Variants in BBS9 observed in about 807,000 individuals in gnomAD.
BBS9 encodes protein PTHB1.
Under a neutral mutation model 117.7 loss-of-function variants are expected in BBS9, and 89 were observed. The observed-to-expected ratio is 0.76, with a 90% confidence interval of 0.64 to 0.90. BBS9 has a LOEUF of 0.90. Ranked by LOEUF, BBS9 falls within the 40% of genes least tolerant of loss-of-function variation. The probability of loss-of-function intolerance (pLI) is 0.00; values close to 1 mark genes in which losing one functional copy is unlikely to be tolerated. For synonymous variants in BBS9, 379 were observed against 370.9 expected, an observed-to-expected ratio of 1.02 and a Z score of -0.25; for missense variants, 982 against 1,042.2, an observed-to-expected ratio of 0.94 and a Z score of 0.80.
At chr7:33,388,430 C>T (rs1338908250) in intron 19 of BBS9, among the ~76,000 whole-genome samples, 2 of 152,174 alleles carry the variant, frequency 1.3e-5, no homozygotes, top group Non-Finnish European at 1.5e-5. Context: ...GCAACAAGAA[C>T]AATGCCAGGC....
intron 5 of BBS9, among the ~76,000 whole-genome samples, chr7:33,248,930 T>C (rs1795797811): frequency 6.6e-6 from 1 of 152,186 alleles, no homozygotes. Flanking sequence ...CTGAACTGCA[T>C]ATATGCTTGG....
intron 11 of BBS9, among the ~76,000 whole-genome samples, chr7:33,342,706 T>C (rs184136152): frequency 7.2e-5 from 11 of 152,286 alleles, no homozygotes; most frequent in Non-Finnish European, 1.5e-4. Flanking sequence ...TTTGGTGCCA[T>C]GACGTCTTCT....
intron 21 of BBS9, among the ~76,000 whole-genome samples, chr7:33,544,879 C>G (rs1005895304): frequency 2.6e-5 from 4 of 151,968 alleles, no homozygotes; most frequent in Non-Finnish European, 5.9e-5. Context: ...CAGCTGCTGT[C>G]TGGGATGGGG....
chr7:33,161,908 A>G (rs36192455), intron 4 of BBS9, among the ~76,000 whole-genome samples: 24,646 of 152,182 alleles, frequency 0.16, 2,141 homozygotes, highest in South Asian at 0.21. Context: ...TGTTGGGTGC[A>G]TAGATGTCTT....
At chr7:33,449,803 A>G (rs999421270) in intron 19 of BBS9, among the ~76,000 whole-genome samples, 47 of 152,210 alleles carry the variant, frequency 3.1e-4, no homozygotes, top group African/African-American at 1.1e-3. Context: ...TTCTTGGCCA[A>G]TAACAGAGAT....
At chr7:33,309,991 G>A (rs923094916) in intron 9 of BBS9, among the ~76,000 whole-genome samples, 5 of 152,062 alleles carry the variant, frequency 3.3e-5, no homozygotes, top group Non-Finnish European at 5.9e-5. Flanking sequence ...CAGTGGCATC[G>A]GAGCCAAAAA....
At chr7:33,149,287 G>C (rs976689100) in intron 2 of BBS9, among the ~76,000 whole-genome samples, 4 of 152,208 alleles carry the variant, frequency 2.6e-5, no homozygotes, top group Non-Finnish European at 5.9e-5. Context: ...AGGAAAGAAG[G>C]TAAGAATGTA....
intron 1 of BBS9, among the ~76,000 whole-genome samples, chr7:33,133,023 C>T (rs1446854385): frequency 6.6e-6 from 1 of 152,080 alleles, no homozygotes; most frequent in East Asian, 1.9e-4. Flanking sequence ...CTCCTTAGCT[C>T]AAGTGATCAA....
chr7:33,456,656 A>G (rs1231040549), intron 19 of BBS9, among the ~76,000 whole-genome samples: 1 of 152,026 alleles, frequency 6.6e-6, no homozygotes, highest in Non-Finnish European at 1.5e-5. Flanking sequence ...ATATGGGTAA[A>G]TAAGTGTCTC....
chr7:33,377,737 A>T (rs976517780), intron 17 of BBS9, among the ~76,000 whole-genome samples: 6 of 151,592 alleles, frequency 4.0e-5, no homozygotes, highest in Admixed American at 3.9e-4. Context: ...GAGATCTTTC[A>T]CCTCCCTTGT....
intron 5 of BBS9, among the ~76,000 whole-genome samples, chr7:33,181,564 GC>G (rs979963408): frequency 6.6e-6 from 1 of 152,126 alleles, no homozygotes; most frequent in Non-Finnish European, 1.5e-5. Context: ...TATAAACCTT[GC>G]ATATAACCCT....
In BBS9 at chr7:33,412,777, A is replaced by G. The variant is rs1277477492; in HGVS notation, c.2115+24633A>G. ...TATCATTTGAGGTAAATTACTTGCTATATCCCAATTAGGTATACAGTTCTT... is the reference window on the plus strand; with the variant it reads ...TATCATTTGAGGTAAATTACTTGCTGTATCCCAATTAGGTATACAGTTCTT... On this transcript the variant is annotated intron_variant, in intron 19 of 22. Coordinates refer to ENST00000242067, the MANE Select transcript of BBS9 (RefSeq NM_198428.3). 3.3e-5 allele frequency among the ~76,000 whole-genome samples: 5 copies of G among 152,348 alleles called. No homozygotes were observed. In the East Asian group the frequency reaches 7.7e-4, roughly 24 times the overall value.
intron 4 of BBS9, among the ~76,000 whole-genome samples, chr7:33,157,213 G>A (rs899620018): frequency 1.3e-5 from 2 of 152,028 alleles, no homozygotes; most frequent in Admixed American, 6.6e-5. Context: ...GTTCCACTGG[G>A]GCTTAGAGCA....
At chr7:33,580,271 C>T (rs1381700118) in intron 21 of BBS9, among the ~76,000 whole-genome samples, 2 of 151,184 alleles carry the variant, frequency 1.3e-5, no homozygotes, top group Admixed American at 1.3e-4. Context: ...TCAATTAGCC[C>T]GGGTAACATG....
chr7:33,336,939 A>G (rs892543147), intron 10 of BBS9, among the ~76,000 whole-genome samples: 2 of 152,192 alleles, frequency 1.3e-5, no homozygotes, highest in Non-Finnish European at 2.9e-5. Flanking sequence ...CCTTGAGAAG[A>G]GCATTAAAAT....
At chr7:33,364,600 T>A (rs1356453176) in intron 16 of BBS9, among the ~76,000 whole-genome samples, 1 of 151,216 alleles carries the variant, frequency 6.6e-6, no homozygotes, top group Non-Finnish European at 1.5e-5. Context: ...TTTTTGATGT[T>A]CTTCCTTATA....
intron 19 of BBS9, among the ~76,000 whole-genome samples, chr7:33,486,396 C>G (rs1843118264): frequency 6.6e-6 from 1 of 152,182 alleles, no homozygotes; most frequent in African/African-American, 2.4e-5. Context: ...AGTTGTATCA[C>G]AGTTGTGCTT....
intron 9 of BBS9, among the ~76,000 whole-genome samples, chr7:33,280,516 C>T (rs1801608335): frequency 6.6e-6 from 1 of 152,104 alleles, no homozygotes; most frequent in African/African-American, 2.4e-5. Flanking sequence ...TAAGCCTTTC[C>T]TGCTTATCAT....
chr7:33,376,146 C>A (rs1823847359), intron 17 of BBS9, among the ~76,000 whole-genome samples: 1 of 152,010 alleles, frequency 6.6e-6, no homozygotes, highest in Non-Finnish European at 1.5e-5. Context: ...AAGTGTAGTA[C>A]CTGAAAATTA....
Sources: allele counts gnomAD v4.1 joint callset (sites outside exome capture counted in the v4.1 genomes callset), GRCh38; gene constraint gnomAD v4.1.1; transcripts MANE v1.5; gene names NCBI Gene and HGNC (gene_info 2026-07-23, HGNC 2026-07-21).